The following PLB1 variants were observed in gnomAD, a reference collection of about 807,000 sequenced individuals.
The protein encoded by PLB1 is phospholipase B1.
PLB1 carries 242 observed loss-of-function variants against 227.4 expected under a neutral mutation model. The observed-to-expected ratio is 1.06, with a 90% CI of 0.96 to 1.18. The LOEUF (loss-of-function observed/expected upper bound fraction) is 1.18. Among genes scored for constraint, PLB1 ranks in the 50% most tolerant of loss-of-function variants. The pLI is 0.00. For missense variants in PLB1, 1,858 were observed against 1,816.3 expected (o/e 1.02, Z -0.42); for synonymous variants, 757 against 682.2 (o/e 1.11, Z -1.71).
chr2:28,538,159 A>G, intron 9 of PLB1, 160 bp from the exon 10 acceptor site: 1 of 839,452 alleles, frequency 1.2e-6, no homozygotes, highest in Non-Finnish European at 2.0e-6. Flanking sequence ...CAAAACTAGG[A>G]AGCTCTGGGA....
At chr2:28,568,304 G>A (rs1352018910) in intron 20 of PLB1, among the ~76,000 whole-genome samples, 1 of 152,156 alleles carries the variant, frequency 6.6e-6, no homozygotes, top group Non-Finnish European at 1.5e-5. Flanking sequence ...TCCCATGCTC[G>A]TATTATGGAC....
chr2:28,548,918 A>T lies in PLB1; in HGVS notation c.995A>T (p.Lys332Met). 1 of 1,614,108 alleles carries T rather than the reference A, an allele frequency of 6.2e-7. No individual in the cohort carries two copies. The highest frequency in any genetic ancestry group is 8.5e-7 in the Non-Finnish European group (1 of 1,179,952). Residue 332 changes from lysine (K) to methionine (M), a missense_variant, in exon 15 of 58, where the codon AAG (lysine) becomes ATG (methionine). Physicochemically the swap from Lys to Met is moderately conservative, Grantham distance 95. Coordinates refer to ENST00000327757, the MANE Select transcript of PLB1 (RefSeq NM_153021.5). ...PLSVKHGRPM[K>M]CPSQESPYLF... ...AGTGTAAAACACGGGAGGCCAATGA[A>T]GTGTCCCTCTCAGGTAGGAGGGACT... is the stretch of plus-strand genomic sequence containing the variant.
chr2:28,514,215 T>C (rs1572682770), intron 1 of PLB1, among the ~76,000 whole-genome samples: 1 of 152,348 alleles, frequency 6.6e-6, no homozygotes, highest in African/African-American at 2.4e-5. Flanking sequence ...CTCTGTAATA[T>C]TGCCTTTGCT....
intron 43 of PLB1, among the ~76,000 whole-genome samples, chr2:28,611,526 C>T (rs1217309723): frequency 6.6e-6 from 1 of 152,202 alleles, no homozygotes; most frequent in African/African-American, 2.4e-5. Context: ...CCATGCCATT[C>T]TCTGATGCTT....
intron 4 of PLB1, among the ~76,000 whole-genome samples, chr2:28,521,680 A>G (rs2148181686): frequency 6.6e-6 from 1 of 152,296 alleles, no homozygotes; most frequent in Non-Finnish European, 1.5e-5. Flanking sequence ...AGGGATCTGG[A>G]TAGAAGAAGG....
At chr2:28,532,553 A>T (rs1022824450) in intron 9 of PLB1, among the ~76,000 whole-genome samples, 3 of 152,230 alleles carry the variant, frequency 2.0e-5, no homozygotes, top group African/African-American at 7.2e-5. Context: ...CATAACTGTC[A>T]CAAGGAACAG....
intron 17 of PLB1, among the ~76,000 whole-genome samples, chr2:28,557,255 T>A (rs1019454661): frequency 3.3e-5 from 5 of 152,174 alleles, no homozygotes; most frequent in African/African-American, 1.2e-4. Context: ...TCACTTAGCC[T>A]TTAATTCCAG....
At chr2:28,617,404 C>A (rs1686342264) in intron 44 of PLB1, among the ~76,000 whole-genome samples, 1 of 152,170 alleles carries the variant, frequency 6.6e-6, no homozygotes, top group East Asian at 1.9e-4. Context: ...TGTAGGACTT[C>A]ATGGTTTTCT....
At chr2:28,531,333 CAG>C (rs1193924129) in intron 8 of PLB1, among the ~76,000 whole-genome samples, 9 of 151,920 alleles carry the variant, frequency 5.9e-5, no homozygotes, top group Admixed American at 5.9e-4. Flanking sequence ...TTTTTTGAGA[CAG>C]AGTTTCGCTC....
chr2:28,593,885 C>A, intron 33 of PLB1, 131 bp downstream of exon 33: 1 of 799,454 alleles, frequency 1.3e-6, no homozygotes, highest in South Asian at 1.5e-5. Flanking sequence ...AAAGAAAAAG[C>A]TATATATTTC....
At chr2:28,638,354 C>CT (rs1357526788) in intron 56 of PLB1, among the ~76,000 whole-genome samples, 1 of 151,974 alleles carries the variant, frequency 6.6e-6, no homozygotes, top group Admixed American at 6.6e-5. Flanking sequence ...CTTGAAGTGT[C>CT]TGAGGAACTT....
rs112917370 is a variant in PLB1, at chr2:28,634,791, G to C, written c.4098+1752G>C. ...CCAGGTGTGGTGGTGCATGCCTGTA[G>C]TCCCAGCTGCTCAGAAGGCTGACGT... On this transcript the variant is annotated intron_variant, in intron 56 of 57. Transcript: ENST00000327757. 2.8e-3 allele frequency among the ~76,000 whole-genome samples: 422 copies of C among 152,194 alleles called. 2 individuals are homozygous for C. The highest frequency in any genetic ancestry group is 9.8e-3 in the African/African-American group (406 of 41,510).
intron 11 of PLB1, 84 bp from the exon 12 acceptor site, chr2:28,540,282 T>C (rs1411014333): frequency 4.4e-6 from 5 of 1,136,818 alleles, no homozygotes; most frequent in Middle Eastern, 1.9e-4. Flanking sequence ...ATGCCCCTTC[T>C]TCCATAAGAG....
intron 17 of PLB1, among the ~76,000 whole-genome samples, chr2:28,556,432 T>TG (rs1675136889): frequency 6.6e-6 from 1 of 152,192 alleles, no homozygotes; most frequent in African/African-American, 2.4e-5. Context: ...CAGTTGGTAT[T>TG]GGGTAGCCAG....
intron 14 of PLB1, among the ~76,000 whole-genome samples, chr2:28,546,069 A>G (rs1405175676): frequency 8.0e-6 from 1 of 125,238 alleles, no homozygotes; most frequent in Non-Finnish European, 1.9e-5. Flanking sequence ...AGCTCCACCC[A>G]TCAGCATGGG....
rs539341806 is a variant in PLB1 at position 28,534,807 on chromosome 2, T to C, written c.555+2613T>C. ...AGACAGAGGTTGCAGTGAGCCAAGA[T>C]CGCACTACTGCACTCCAGCCTGGGT... On this transcript the variant is annotated intron_variant, in intron 9 of 57. Transcript: ENST00000327757. Among the ~76,000 whole-genome samples the C allele has an allele frequency of 3.0e-3, 449 of 151,720 alleles. 3 individuals are homozygous for C. The highest frequency in any genetic ancestry group is 0.01 in the African/African-American group (425 of 41,308).
intron 9 of PLB1, among the ~76,000 whole-genome samples, chr2:28,536,662 G>T (rs1257616179): frequency 2.0e-5 from 3 of 152,118 alleles, no homozygotes; most frequent in Non-Finnish European, 2.9e-5. Flanking sequence ...CAAACCAGGG[G>T]GCAAACGATA....
At chr2:28,580,091 G>A (rs1679666520) in intron 23 of PLB1, among the ~76,000 whole-genome samples, 1 of 152,180 alleles carries the variant, frequency 6.6e-6, no homozygotes, top group African/African-American at 2.4e-5. Context: ...TGTATGGGAA[G>A]GTCGATTTCC....
chr2:28,591,408 C>G (rs566278161), intron 30 of PLB1, among the ~76,000 whole-genome samples: 2 of 152,346 alleles, frequency 1.3e-5, no homozygotes, highest in East Asian at 1.9e-4. Flanking sequence ...GAGAAATCCC[C>G]TTCCTTGTAG....
Sources: gnomAD v4.1 joint callset for allele counts (sites outside exome capture counted in the v4.1 genomes callset) on GRCh38, gnomAD v4.1.1 for gene constraint, MANE v1.5 for transcripts, NCBI Gene and HGNC (gene_info 2026-07-23, HGNC 2026-07-21) for gene names.